Variants in CPS1 observed in about 807,000 individuals in gnomAD.
CPS1 encodes carbamoyl-phosphate synthase [ammonia], mitochondrial.
A neutral mutation model predicts 174.6 loss-of-function variants in CPS1; 109 were observed. That is an observed-to-expected ratio of 0.62 (90% CI 0.53 to 0.73). The LOEUF (loss-of-function observed/expected upper bound fraction) is 0.73, where lower values mean the gene tolerates loss of function less well. Ranked by LOEUF, CPS1 falls within the 30% of genes least tolerant of loss-of-function variation. The pLI is 0.00. For missense variants in CPS1, 1,689 were observed against 1,821.9 expected (o/e 0.93, Z 1.33); for synonymous variants, 637 against 632.0 (o/e 1.01, Z -0.12).
In CPS1 at chr2:210,677,115, C is replaced by T. The variant is rs1160139631; in HGVS notation, c.4383C>T (p.Ile1461=). The change falls in exon 37 of 38, where the codon ATC becomes ATT. Residue 1461 remains isoleucine, a synonymous_variant. Transcript: ENST00000233072. ...GGAGGACAGCTGTTGATAGTGGAAT[C>T]CCTCTCCTCACTAATTTTCAGGTAT... ...VIRRTAVDSG[I]PLLTNFQVTK... is the part of the protein sequence containing the mutation. The T allele has an allele frequency of 6.2e-7, 1 of 1,613,768 alleles. No individual in the cohort carries two copies. The highest frequency in any genetic ancestry group is 1.1e-5 in the South Asian group (1 of 91,062).
intron 34 of CPS1, chr2:210,672,235 A>G (rs1013096182): frequency 3.9e-5 from 6 of 152,200 alleles, no homozygotes; most frequent in African/African-American, 1.2e-4. Flanking sequence ...GTTAAAAGTT[A>G]TGTTAGCACT....
chr2:210,634,664 A>T (rs184563168), intron 21 of CPS1, among the ~76,000 whole-genome samples: 1 of 152,184 alleles, frequency 6.6e-6, no homozygotes, highest in African/African-American at 2.4e-5. Context: ...TGATGTAGAC[A>T]TATCATTGGC....
At chr2:210,495,636 G>A (rs150106176) in intron 1 of CPS1, among the ~76,000 whole-genome samples, 5 of 152,108 alleles carry the variant, frequency 3.3e-5, no homozygotes, top group African/African-American at 9.6e-5. Context: ...ATTTAATCCC[G>A]GAAAAATATT....
intron 1 of CPS1, among the ~76,000 whole-genome samples, chr2:210,517,066 A>G (rs577164418): frequency 1.2e-3 from 176 of 151,840 alleles, no homozygotes; most frequent in Non-Finnish European, 1.3e-3. Flanking sequence ...TCCCTATTTT[A>G]TTTCTCTACA....
intron 1 of CPS1, among the ~76,000 whole-genome samples, chr2:210,529,164 A>G (rs1216711761): frequency 6.6e-6 from 1 of 151,822 alleles, no homozygotes; most frequent in Non-Finnish European, 1.5e-5. Context: ...TTTTGTATGT[A>G]TTTCACTCTT....
chr2:210,664,733 C>T (rs1215995749), intron 33 of CPS1, among the ~76,000 whole-genome samples: 2 of 152,138 alleles, frequency 1.3e-5, no homozygotes, highest in East Asian at 3.9e-4. Context: ...AAATTCAGCT[C>T]CCCTTTGTTA....
chr2:210,630,820 C>A (rs1167721614), intron 21 of CPS1, among the ~76,000 whole-genome samples: 1 of 152,168 alleles, frequency 6.6e-6, no homozygotes, highest in Non-Finnish European at 1.5e-5. Context: ...CAAATAATTT[C>A]TCCACTGATG....
chr2:210,589,248 C>G (rs141056376), intron 7 of CPS1, among the ~76,000 whole-genome samples: 4 of 152,136 alleles, frequency 2.6e-5, no homozygotes, highest in Non-Finnish European at 5.9e-5. Context: ...GTCACTTCCT[C>G]TCTGTTTAGT....
intron 1 of CPS1, among the ~76,000 whole-genome samples, chr2:210,478,939 T>TCCCC (rs375638014): frequency 9.3e-6 from 1 of 108,092 alleles, no homozygotes. Context: ...CCCCCCTCCC[T>TCCCC]TCCCTCCCTC....
chr2:210,514,330 C>G (rs1341226357), intron 1 of CPS1, among the ~76,000 whole-genome samples: 1 of 151,790 alleles, frequency 6.6e-6, no homozygotes, highest in Admixed American at 6.6e-5. Context: ...AAATGTTTTT[C>G]CATTTGTTTG....
At chr2:210,667,812 A>T (rs1245700207) in intron 33 of CPS1, among the ~76,000 whole-genome samples, 5 of 152,214 alleles carry the variant, frequency 3.3e-5, no homozygotes, top group Non-Finnish European at 7.3e-5. Context: ...TCATATTAAC[A>T]TTCGGAAACT....
At chr2:210,573,495 G>A in intron 2 of CPS1, 88 bp downstream of exon 2, 2 of 1,014,050 alleles carry the variant, frequency 2.0e-6, no homozygotes, top group Non-Finnish European at 3.1e-6. Context: ...TGAAATCACT[G>A]CATCGTAGTA....
At chr2:210,550,822 TA>T (rs915224724) in intron 1 of CPS1, among the ~76,000 whole-genome samples, 76 of 151,896 alleles carry the variant, frequency 5.0e-4, no homozygotes, top group African/African-American at 1.7e-3. Flanking sequence ...TAATAATTAT[TA>T]TTTTTTTACT....
intron 4 of CPS1, among the ~76,000 whole-genome samples, chr2:210,577,896 T>C (rs890026101): frequency 6.6e-6 from 1 of 152,166 alleles, no homozygotes; most frequent in Non-Finnish European, 1.5e-5. Context: ...CCAGCTCTAC[T>C]GTTAACTGGT....
intron 33 of CPS1, among the ~76,000 whole-genome samples, chr2:210,665,215 G>A (rs1288510362): frequency 6.6e-6 from 1 of 152,132 alleles, no homozygotes; most frequent in Non-Finnish European, 1.5e-5. Flanking sequence ...GCAACCACAT[G>A]TACTGGTGAC....
rs1455253561 is a variant in CPS1 at position 210,675,821 on chromosome 2, A to G, written c.4255A>G (p.Ser1419Gly). ...GCCGTCTCAAGAAGGACAGAATCCC[A>G]GCCTCTCTTCCATCAGAAAGTAAGA... is the stretch of plus-strand genomic sequence containing the variant. ...AWPSQEGQNPSLSSIRKLIRD... is the reference protein window; with the variant it reads ...AWPSQEGQNPGLSSIRKLIRD... The change falls in exon 36 of 38, where the codon AGC becomes GGC. Residue 1419 changes from serine to glycine, a missense_variant. Coordinates refer to ENST00000233072, the MANE Select transcript of CPS1 (RefSeq NM_001875.5). The G allele has an allele frequency of 6.4e-7, 1 of 1,554,396 alleles. No homozygotes were observed.
intron 1 of CPS1, among the ~76,000 whole-genome samples, chr2:210,493,532 T>C (rs1016656094): frequency 2.0e-5 from 3 of 152,226 alleles, no homozygotes; most frequent in Admixed American, 1.3e-4. Context: ...TAAGTATATA[T>C]ATTTACATAT....
intron 21 of CPS1, among the ~76,000 whole-genome samples, chr2:210,625,735 A>C (rs1331333042): frequency 6.6e-6 from 1 of 152,086 alleles, no homozygotes; most frequent in Non-Finnish European, 1.5e-5. Flanking sequence ...TTAAGTCCTC[A>C]TTTGATGTTG....
intron 13 of CPS1, 58 bp downstream of exon 13, chr2:210,595,640 T>C (rs1698458968): frequency 8.6e-7 from 1 of 1,165,184 alleles, no homozygotes; most frequent in African/African-American, 1.5e-5. Flanking sequence ...GTCTAATTAG[T>C]ATTTTATAAT....
Sources: gnomAD v4.1 joint callset for allele counts (sites outside exome capture counted in the v4.1 genomes callset) on GRCh38, gnomAD v4.1.1 for gene constraint, MANE v1.5 for transcripts, NCBI Gene and HGNC (gene_info 2026-07-23, HGNC 2026-07-21) for gene names.